TRABD2B: variants seen among roughly 807,000 people sequenced by gnomAD.
TRABD2B encodes TraB domain containing 2B, also known as metalloprotease TIKI2.
In TRABD2B, 14 loss-of-function variants were observed where a neutral mutation model predicts 40.1. That is an observed-to-expected ratio of 0.35 (90% CI 0.23 to 0.55). TRABD2B has a LOEUF of 0.55. Among genes scored for constraint, TRABD2B ranks in the 20% least tolerant of loss-of-function variants. The pLI is 0.90. For synonymous variants in TRABD2B, 263 were observed against 277.0 expected (o/e 0.95, Z 0.50); for missense variants, 541 against 648.6 (o/e 0.83, Z 1.80).
intron 2 of TRABD2B, among the ~76,000 whole-genome samples, chr1:47,951,532 T>A (rs1200602243): frequency 6.6e-6 from 1 of 152,088 alleles, no homozygotes. Flanking sequence ...GGTATGTGGG[T>A]GAGTTTGCAG....
At chr1:47,781,671 A>G (rs932864197) in intron 4 of TRABD2B, among the ~76,000 whole-genome samples, 1 of 152,144 alleles carries the variant, frequency 6.6e-6, no homozygotes, top group Non-Finnish European at 1.5e-5. Flanking sequence ...AGCCACACTC[A>G]CCTTCCTTTC....
Position 47,831,077 on chromosome 1 carries a change from C to T in TRABD2B, c.667-29458G>A, listed in dbSNP as rs1185416431. 7.2e-5 allele frequency among the ~76,000 whole-genome samples: 11 copies of T among 152,338 alleles called. No individual in the cohort carries two copies. In the East Asian group the frequency reaches 1.5e-3, roughly 21 times the overall value. On this transcript the variant is annotated intron_variant, in intron 2 of 6. Coordinates refer to ENST00000606738, the MANE Select transcript of TRABD2B (RefSeq NM_001194986.2). ...GCCCTGATTCTGTCCTTGGTTGCCA[C>T]GTGTCCTCACCTTTGAAGAGTATAG...
At chr1:47,788,951 G>A (rs958879813) in intron 4 of TRABD2B, among the ~76,000 whole-genome samples, 1 of 152,168 alleles carries the variant, frequency 6.6e-6, no homozygotes, top group South Asian at 2.1e-4. Context: ...GGCTGAACAA[G>A]TAAATATCCT....
intron 2 of TRABD2B, among the ~76,000 whole-genome samples, chr1:47,868,033 A>G (rs1322415183): frequency 6.6e-6 from 1 of 152,120 alleles, no homozygotes; most frequent in Non-Finnish European, 1.5e-5. Context: ...CTGATTGCTG[A>G]AAAAACACCG....
chr1:47,972,736 C>A (rs1645699356), intron 2 of TRABD2B, among the ~76,000 whole-genome samples: 1 of 152,110 alleles, frequency 6.6e-6, no homozygotes, highest in South Asian at 2.1e-4. Context: ...ATTTTTGACC[C>A]TCATGGTAGT....
intron 2 of TRABD2B, among the ~76,000 whole-genome samples, chr1:47,919,284 T>TG (rs1644869557): frequency 6.6e-6 from 1 of 152,270 alleles, no homozygotes; most frequent in Admixed American, 6.5e-5. Flanking sequence ...GGTGGCTGGC[T>TG]GGGCCAGTGA....
At chr1:47,989,457 C>T (rs1221112983) in intron 2 of TRABD2B, among the ~76,000 whole-genome samples, 1 of 152,172 alleles carries the variant, frequency 6.6e-6, no homozygotes, top group East Asian at 1.9e-4. Context: ...TACTTGCTGG[C>T]CCCGCCAGGG....
At chr1:47,841,789 T>TC (rs1211601501) in intron 2 of TRABD2B, among the ~76,000 whole-genome samples, 7 of 149,396 alleles carry the variant, frequency 4.7e-5, no homozygotes, top group Non-Finnish European at 8.9e-5. Flanking sequence ...TCTTTTTCTT[T>TC]TTTTTTTTTT....
chr1:47,996,594 C>A lies in TRABD2B; in HGVS notation c.102+94G>T. 1.7e-6 allele frequency: 2 copies of A among 1,176,540 alleles called. No homozygotes were observed. The highest frequency in any genetic ancestry group is 3.7e-5 in the East Asian group (1 of 27,378). The allele number at this position is 1,176,540 out of a possible 1,614,324, so 72.9% of individuals were successfully genotyped here. A position where few individuals can be genotyped will look rare whatever the true frequency, so the allele number is the denominator to read the frequency against. On this transcript the variant is annotated intron_variant, in intron 1 of 6. Coordinates refer to ENST00000606738, the MANE Select transcript of TRABD2B (RefSeq NM_001194986.2). The surrounding 1 kb of genome is among the most constrained non-coding windows in gnomAD (Gnocchi z 4.6). ...GGGGGGTGGAGGTGGAGCGGGCGGG[C>A]TAAGGTGGGTGCGGAAGCAGGACCC...
In TRABD2B at chr1:47,878,318, A is replaced by AC. The variant is rs1378677512; in HGVS notation, c.667-76700dup. ...ACGACAGAGAGAGACTCTCCCCTGC[A>AC]CCCCCCAAAAAAAGAACATGTTTGT... On this transcript the variant is annotated intron_variant, in intron 2 of 6. Transcript: ENST00000606738. Among the ~76,000 whole-genome samples the AC allele has an allele frequency of 2.3e-4, 35 of 152,194 alleles. 1 individual carries two copies. Among genetic ancestry groups the AC allele is most frequent in the Middle Eastern group, 6.8e-3 (2 of 294 alleles).
intron 4 of TRABD2B, among the ~76,000 whole-genome samples, chr1:47,781,166 G>A (rs956572939): frequency 2.0e-5 from 3 of 152,208 alleles, no homozygotes; most frequent in Admixed American, 6.5e-5. Context: ...CACGCAGGCT[G>A]GAGGAACTCT....
At chr1:47,955,909 C>A (rs561287931) in intron 2 of TRABD2B, among the ~76,000 whole-genome samples, 24 of 152,320 alleles carry the variant, frequency 1.6e-4, no homozygotes, top group Admixed American at 1.3e-3. Context: ...GAACTCTAAG[C>A]AGCCTGTACC....
chr1:47,979,695 GAC>G (rs1645812750), intron 2 of TRABD2B, among the ~76,000 whole-genome samples: 1 of 152,178 alleles, frequency 6.6e-6, no homozygotes. Flanking sequence ...TAAAATAAGT[GAC>G]ACAAAATGCA....
At chr1:47,783,654 C>T (rs895427453) in intron 4 of TRABD2B, among the ~76,000 whole-genome samples, 3 of 152,234 alleles carry the variant, frequency 2.0e-5, no homozygotes, top group Non-Finnish European at 2.9e-5. Flanking sequence ...AGGTTCCCTG[C>T]TCTGAGCAGG....
At chr1:47,836,333 G>A (rs1645317929) in intron 2 of TRABD2B, among the ~76,000 whole-genome samples, 1 of 152,246 alleles carries the variant, frequency 6.6e-6, no homozygotes, top group African/African-American at 2.4e-5. Flanking sequence ...TCAAAGAGAA[G>A]AGACTGACCT....
chr1:47,767,931 C>G (rs902883376), intron 6 of TRABD2B, among the ~76,000 whole-genome samples: 1 of 152,196 alleles, frequency 6.6e-6, no homozygotes, highest in African/African-American at 2.4e-5. Flanking sequence ...CCTGGCCAGA[C>G]GCCTCTCACA....
chr1:47,997,266 G>C lies in TRABD2B; in HGVS notation c.-477C>G, dbSNP rs1029575612. On this transcript the variant is annotated 5_prime_UTR_variant, in exon 1 of 7. Transcript: ENST00000606738. ...GTGCGGCGGAAGGCGCGGCAGGGGT[G>C]GGGGGCGGCTCTGGGGCGACCGGCT... The C allele has an allele frequency of 7.2e-6, 7 of 970,280 alleles. No individual in the cohort carries two copies. The highest frequency in any genetic ancestry group is 1.8e-5 in the African/African-American group (1 of 56,178). The allele number at this position is 970,280 out of a possible 1,614,324, so 60.1% of individuals were successfully genotyped here. A position where few individuals can be genotyped will look rare whatever the true frequency, so the allele number is the denominator to read the frequency against.
At chr1:47,911,896 A>G (rs188307749) in intron 2 of TRABD2B, among the ~76,000 whole-genome samples, 24 of 152,354 alleles carry the variant, frequency 1.6e-4, no homozygotes, top group Middle Eastern at 3.4e-3. Flanking sequence ...CATGCCTGTG[A>G]AGGAAGCCCT....
rs2124280640 is a variant in TRABD2B, at chr1:47,801,555, G to C, written c.731C>G (p.Ala244Gly). 3 of 1,536,090 alleles carry C rather than the reference G, an allele frequency of 2.0e-6. No homozygotes were observed. The highest frequency in any genetic ancestry group is 2.6e-6 in the Non-Finnish European group (3 of 1,146,890). ...QESVRAGSLQASYTTEDLIKH... is the reference protein window; with the variant it reads ...QESVRAGSLQGSYTTEDLIKH... ...GATGAGGTCCTCCGTGGTGTAGGAG[G>C]CCTGCAGGCTCCCGGCCCGCACACT... Residue 244 changes from alanine to glycine, a missense_variant, in exon 3 of 7, where the codon GCC (alanine) becomes GGC (glycine). Physicochemically the swap from Ala to Gly is moderately conservative, Grantham distance 60. This residue lies in a region of TRABD2B where 369 missense variants were observed against 492.8 expected (regional missense o/e 0.75). Transcript: ENST00000606738.
Sources: gnomAD v4.1 joint callset for allele counts (sites outside exome capture counted in the v4.1 genomes callset) on GRCh38, gnomAD v4.1.1 for gene constraint, gnomAD v4.1.1 regional missense constraint, Gnocchi (gnomAD v3.1) non-coding constraint, MANE v1.5 for transcripts, NCBI Gene and HGNC (gene_info 2026-07-23, HGNC 2026-07-21) for gene names.